Variants in SLC12A1 observed in about 807,000 individuals in gnomAD.
SLC12A1 encodes the protein solute carrier family 12 member 1, also known as Na-K-2Cl cotransporter.
SLC12A1 carries 89 observed loss-of-function variants against 130.4 expected under a neutral mutation model. The observed-to-expected ratio is 0.68, with a 90% CI of 0.58 to 0.81. The LOEUF (loss-of-function observed/expected upper bound fraction) is 0.81. SLC12A1 is among the 40% of genes least tolerant of loss of function. SLC12A1 has a pLI of 0.00. For synonymous variants in SLC12A1, 499 were observed against 460.0 expected (o/e 1.08, Z -1.09); for missense variants, 1,310 against 1,336.4 (o/e 0.98, Z 0.31).
At position 48,284,955 on chromosome 15, in the gene SLC12A1, A is replaced by G. The variant is rs1361201151; in HGVS notation, c.2486-151A>G. On this transcript the variant is annotated intron_variant, in intron 20 of 26. Coordinates refer to ENST00000380993, the MANE Select transcript of SLC12A1 (RefSeq NM_000338.3). ...CAAAATATATTACTTGTATTAGAAG[A>G]TAATATATAAAAATCATTTAGAAAA... is the stretch of plus-strand genomic sequence containing the variant. 3 of 524,422 alleles carry G rather than the reference A, an allele frequency of 5.7e-6. No homozygotes were observed. The African/African-American group carries it at 5.9e-5, about 10-fold the overall frequency. The allele number at this position is 524,422 out of a possible 1,614,324, so 32.5% of individuals were successfully genotyped here. A position where few individuals can be genotyped will look rare whatever the true frequency, so the allele number is the denominator to read the frequency against.
chr15:48,206,471 A>G (rs1161718959), intron 1 of SLC12A1, 141 bp downstream of exon 1: 1 of 152,196 alleles, frequency 6.6e-6, no homozygotes, highest in Non-Finnish European at 1.5e-5. Flanking sequence ...CTTCATTTAT[A>G]ATTTCCCCAG....
Position 48,220,921 on chromosome 15 carries a change from G to A in SLC12A1, c.553G>A (p.Val185Ile), listed in dbSNP as rs761883011. ...VKFGWVKGVL[V>I]RCMLNIWGVM... is the part of the protein sequence containing the mutation. Reference sequence around the variant, plus strand: ...CTTTCAATACCGCTTCTATCCACAGGTAAGATGCATGCTGAACATCTGGGG... The same window carrying A: ...CTTTCAATACCGCTTCTATCCACAGATAAGATGCATGCTGAACATCTGGGG... Residue 185 changes from valine (V) to isoleucine (I), a missense_variant and splice_region_variant, in exon 4 of 27, where the codon GTA becomes ATA. Val to Ile is a conservative substitution (Grantham distance 29). Transcript: ENST00000380993. 1 of 1,613,930 alleles carries A rather than the reference G, an allele frequency of 6.2e-7. No individual in the cohort carries two copies. Among genetic ancestry groups the A allele is most frequent in the Admixed American group, 1.7e-5 (1 of 60,026 alleles).
In SLC12A1 at chr15:48,240,038, TATATATATATCC is replaced by T. The variant is rs1206130177; in HGVS notation, c.1216-1466_1216-1455del. On this transcript the variant is annotated intron_variant, in intron 9 of 26. Transcript: ENST00000380993. Reference sequence around the variant, plus strand: ...ATATATATATATATATCCATATATATATATATATATCCATATATATATATATATATATCCATA... The same window carrying T: ...ATATATATATATATATCCATATATATATATATATATATATATATATCCATA... Among the ~76,000 whole-genome samples the T allele has an allele frequency of 1.1e-3, 17 of 15,512 alleles. 1 individual carries two copies. Among genetic ancestry groups the T allele is most frequent in the Non-Finnish European group, 4.3e-3 (7 of 1,612 alleles). The allele number at this position is 15,512 out of a possible 152,430, so 10.2% of individuals were successfully genotyped here. A position where few individuals can be genotyped will look rare whatever the true frequency, so the allele number is the denominator to read the frequency against.
At chr15:48,247,225 C>T in intron 12 of SLC12A1, 112 bp from the exon 13 acceptor site, 1 of 1,118,802 alleles carries the variant, frequency 8.9e-7, no homozygotes, top group Non-Finnish European at 1.3e-6. Flanking sequence ...TTAACTTGTG[C>T]CTCATCTTGT....
intron 20 of SLC12A1, among the ~76,000 whole-genome samples, chr15:48,282,580 T>C (rs116931659): frequency 6.6e-6 from 1 of 151,818 alleles, no homozygotes; most frequent in Non-Finnish European, 1.5e-5. Context: ...ACCCCATAAG[T>C]GGCCCCTGCA....
At position 48,213,303 on chromosome 15, in the gene SLC12A1, T is replaced by C. The variant is rs1020076769; in HGVS notation, c.420+5164T>C. On this transcript the variant is annotated intron_variant, in intron 2 of 26. Transcript: ENST00000380993. Reference sequence around the variant, plus strand: ...CGAAGAAGAAAATCACACTCTGTCATGATGGGCTGAGCAGGAGGTACTTCC... The same window carrying C: ...CGAAGAAGAAAATCACACTCTGTCACGATGGGCTGAGCAGGAGGTACTTCC... 4.6e-5 allele frequency among the ~76,000 whole-genome samples: 7 copies of C among 152,172 alleles called. No homozygotes were observed. In the East Asian group the frequency reaches 1.2e-3, roughly 25 times the overall value.
chr15:48,260,862 A>G (rs1403185996), intron 17 of SLC12A1, among the ~76,000 whole-genome samples: 1 of 152,230 alleles, frequency 6.6e-6, no homozygotes, highest in African/African-American at 2.4e-5. Context: ...TACACTTGGC[A>G]ATATTCTAAA....
chr15:48,222,810 A>C (rs2041232667), intron 4 of SLC12A1: 1 of 152,130 alleles, frequency 6.6e-6, no homozygotes, highest in Admixed American at 6.5e-5. Flanking sequence ...TGAGGAAGAA[A>C]TCTGAATACA....
At chr15:48,259,116 C>G in intron 16 of SLC12A1, 84 bp from the exon 17 acceptor site, 1 of 891,068 alleles carries the variant, frequency 1.1e-6, no homozygotes, top group East Asian at 2.4e-5. Context: ...TTCCAAGCCT[C>G]TGTACCTGTC....
chr15:48,230,010 T>G (rs2041350777), intron 6 of SLC12A1, among the ~76,000 whole-genome samples: 1 of 152,238 alleles, frequency 6.6e-6, no homozygotes, highest in Admixed American at 6.5e-5. Flanking sequence ...AGGACACCAC[T>G]TAACTTTCAG....
At chr15:48,227,085 G>C (rs1478637326) in intron 5 of SLC12A1, 6 of 1,551,626 alleles carry the variant, frequency 3.9e-6, no homozygotes, top group Non-Finnish European at 5.2e-6. Context: ...GCAGGTCTTG[G>C]AGTCATCATC....
chr15:48,302,716 CTTTCATTTTTAAATT>C lies in SLC12A1; in HGVS notation c.3165-29_3165-15del. ...CCGTTACTACCTATAGTAATTTTCACTTTCATTTTTAAATTTTTCCTTCATGTCATTAGGAGCCTT... is the reference window on the plus strand; with the variant it reads ...CCGTTACTACCTATAGTAATTTTCACTTTCCTTCATGTCATTAGGAGCCTT... On this transcript the variant is annotated intron_variant, in intron 26 of 26. Transcript: ENST00000380993. 6.5e-7 allele frequency: 1 copy of C among 1,526,932 alleles called. No individual in the cohort carries two copies. Among genetic ancestry groups the C allele is most frequent in the Non-Finnish European group, 8.9e-7 (1 of 1,127,664 alleles). 94.6% of individuals were successfully genotyped at this position (1,526,932 alleles called of 1,614,324 possible).
At position 48,274,619 on chromosome 15, in the gene SLC12A1, A is replaced by C. The variant is rs2041931376; in HGVS notation, c.2451A>C (p.Gln817His). The C allele has an allele frequency of 1.2e-6, 2 of 1,613,082 alleles. No homozygotes were observed. Among genetic ancestry groups the C allele is most frequent in the Non-Finnish European group, 1.7e-6 (2 of 1,179,422 alleles). Reference protein sequence around the residue: ...EIGVVIVRISQGFDISQVLQV... With the variant: ...EIGVVIVRISHGFDISQVLQV... Reference sequence around the variant, plus strand: ...GCGTGGTTATAGTCAGAATCAGCCAAGGATTTGACATCTCTCAGGTTCTTC... The same window carrying C: ...GCGTGGTTATAGTCAGAATCAGCCACGGATTTGACATCTCTCAGGTTCTTC... Residue 817 changes from glutamine (Q) to histidine (H), a missense_variant, in exon 20 of 27, where the codon CAA becomes CAC. Coordinates refer to ENST00000380993, the MANE Select transcript of SLC12A1 (RefSeq NM_000338.3).
chr15:48,268,480 A>T (rs1440160369), intron 18 of SLC12A1, among the ~76,000 whole-genome samples: 1 of 152,178 alleles, frequency 6.6e-6, no homozygotes, highest in Non-Finnish European at 1.5e-5. Context: ...TGTATTTCAG[A>T]GTGTCAGAAG....
chr15:48,241,505 T>A lies in SLC12A1; in HGVS notation c.1216-10T>A. On this transcript the variant is annotated splice_polypyrimidine_tract_variant and intron_variant, in intron 9 of 26. Coordinates refer to ENST00000380993, the MANE Select transcript of SLC12A1 (RefSeq NM_000338.3). ...CTGTATTCTTCTACCTCCACATTAT[T>A]TTTTTAAAGGATCCCCAAGATGCCA... 6.2e-7 allele frequency: 1 copy of A among 1,601,650 alleles called. No homozygotes were observed. Among genetic ancestry groups the A allele is most frequent in the Non-Finnish European group, 8.6e-7 (1 of 1,168,660 alleles).
chr15:48,264,452 T>G (rs2041809438), intron 17 of SLC12A1, among the ~76,000 whole-genome samples: 2 of 152,142 alleles, frequency 1.3e-5, no homozygotes, highest in African/African-American at 4.8e-5. Flanking sequence ...CATTTCTTCT[T>G]CTATCTTTCA....
intron 8 of SLC12A1, 75 bp from the exon 9 acceptor site, chr15:48,234,802 G>A (rs1597414281): frequency 7.1e-7 from 1 of 1,414,212 alleles, no homozygotes; most frequent in Non-Finnish European, 1.0e-6. Flanking sequence ...TAGGACTAGG[G>A]AAGCCAATGG....
intron 20 of SLC12A1, among the ~76,000 whole-genome samples, chr15:48,275,935 A>G (rs1566852256): frequency 6.6e-6 from 1 of 152,178 alleles, no homozygotes; most frequent in Non-Finnish European, 1.5e-5. Context: ...TGGGGCATGG[A>G]CTCAGGACTA....
intron 13 of SLC12A1, among the ~76,000 whole-genome samples, chr15:48,249,025 A>T (rs1323143484): frequency 1.3e-5 from 2 of 152,274 alleles, no homozygotes; most frequent in East Asian, 3.9e-4. Context: ...GGGTGACAAG[A>T]GCTAGACTCT....
Sources: allele counts gnomAD v4.1 joint callset (sites outside exome capture counted in the v4.1 genomes callset), GRCh38; gene constraint gnomAD v4.1.1; transcripts MANE v1.5; gene names NCBI Gene and HGNC (gene_info 2026-07-23, HGNC 2026-07-21).